The following SPAG16 variants were observed in gnomAD, a reference collection of about 807,000 sequenced individuals.
SPAG16 encodes sperm-associated antigen 16 protein.
SPAG16 carries 86 observed loss-of-function variants against 80.4 expected under a neutral mutation model. The observed-to-expected ratio is 1.07, with a 90% confidence interval of 0.90 to 1.28. SPAG16 has a LOEUF of 1.28. SPAG16 is among the 50% of genes most tolerant of loss of function. The pLI, the probability that SPAG16 is intolerant of heterozygous loss-of-function variation, is 0.00. For synonymous variants in SPAG16, 294 were observed against 265.9 expected (o/e 1.11, Z -1.03); for missense variants, 870 against 765.3 (o/e 1.14, Z -1.61).
At chr2:213,633,438 C>G (rs978105266) in intron 10 of SPAG16, among the ~76,000 whole-genome samples, 1 of 152,066 alleles carries the variant, frequency 6.6e-6, no homozygotes, top group African/African-American at 2.4e-5. Context: ...GTTTTATGCT[C>G]TAATATATAG....
chr2:214,079,403 A>T (rs983084446), intron 13 of SPAG16, among the ~76,000 whole-genome samples: 1 of 152,226 alleles, frequency 6.6e-6, no homozygotes, highest in African/African-American at 2.4e-5. Flanking sequence ...TCTTTGTTTG[A>T]ATAATTTGTT....
At chr2:213,831,121 C>T (rs542045607) in intron 10 of SPAG16, among the ~76,000 whole-genome samples, 1 of 146,274 alleles carries the variant, frequency 6.8e-6, no homozygotes, top group Non-Finnish European at 1.5e-5. Flanking sequence ...CTCACTGCAA[C>T]CTTAGCCTCC....
At chr2:214,350,484 A>G (rs774586066) in intron 15 of SPAG16, among the ~76,000 whole-genome samples, 2 of 152,242 alleles carry the variant, frequency 1.3e-5, no homozygotes, top group Non-Finnish European at 2.9e-5. Flanking sequence ...TCTTGAGTAG[A>G]TAATATATCT....
In SPAG16 at chr2:213,375,034, A is replaced by G. The variant is rs764472799; in HGVS notation, c.857A>G (p.Asn286Ser). The change falls in exon 9 of 16, where the codon AAT becomes AGT. Residue 286 changes from asparagine to serine, a missense_variant. By Grantham distance (46) the Asn-to-Ser change is conservative (BLOSUM62 1). Coordinates refer to ENST00000331683, the MANE Select transcript of SPAG16 (RefSeq NM_024532.5). ...GTTGATCATAGTCGTGAAAAAGAAA[A>G]TGCACCAGAAGGTCCTACTCAGAAA... ...IKVDHSREKENAPEGPTQKGL... is the reference protein window; with the variant it reads ...IKVDHSREKESAPEGPTQKGL... 2 of 1,606,728 alleles carry G rather than the reference A, an allele frequency of 1.2e-6. No homozygotes were observed. Among genetic ancestry groups the G allele is most frequent in the Non-Finnish European group, 1.7e-6 (2 of 1,177,352 alleles).
Position 213,297,307 on chromosome 2 carries a change from G to A in SPAG16, c.229G>A (p.Ala77Thr). ...FSIPEGEEDLAKAIQMAQEQA... is the reference protein window; with the variant it reads ...FSIPEGEEDLTKAIQMAQEQA... ...CATCCCAGAAGGTGAAGAAGATCTG[G>A]CAAAAGCAATTCAGATGGCCCAAGA... The change falls in exon 3 of 16, where the codon GCA becomes ACA. Residue 77 changes from alanine to threonine, a missense_variant. Ala to Thr is a moderately conservative substitution (Grantham distance 58, BLOSUM62 0). Coordinates refer to ENST00000331683, the MANE Select transcript of SPAG16 (RefSeq NM_024532.5). 1 of 1,612,906 alleles carries A rather than the reference G, an allele frequency of 6.2e-7. No individual in the cohort carries two copies. Among genetic ancestry groups the A allele is most frequent in the Non-Finnish European group, 8.5e-7 (1 of 1,179,266 alleles).
At chr2:213,671,921 T>C (rs2063825808) in intron 10 of SPAG16, among the ~76,000 whole-genome samples, 1 of 152,192 alleles carries the variant, frequency 6.6e-6, no homozygotes, top group African/African-American at 2.4e-5. Flanking sequence ...CTAGAGTCCA[T>C]TGGGTTCATT....
At chr2:214,165,570 C>A (rs2056620398) in intron 15 of SPAG16, among the ~76,000 whole-genome samples, 1 of 132,584 alleles carries the variant, frequency 7.5e-6, no homozygotes, top group East Asian at 2.4e-4. Context: ...AGATTTGTTA[C>A]CTCCATTCTT....
chr2:214,085,696 G>C (rs972692884), intron 13 of SPAG16, among the ~76,000 whole-genome samples: 1 of 152,128 alleles, frequency 6.6e-6, no homozygotes, highest in African/African-American at 2.4e-5. Flanking sequence ...ACTACAAAGA[G>C]AACAATTCCA....
chr2:213,524,082 G>T (rs2075789290), intron 10 of SPAG16, among the ~76,000 whole-genome samples: 1 of 152,132 alleles, frequency 6.6e-6, no homozygotes. Flanking sequence ...TGTTTTGTGG[G>T]CTGGGACCAG....
chr2:214,305,334 G>A lies in SPAG16; in HGVS notation c.1721-104806G>A, dbSNP rs150772979. Among the ~76,000 whole-genome samples the A allele has an allele frequency of 1.8e-3, 269 of 152,114 alleles. 2 individuals carry two copies. Among genetic ancestry groups the A allele is most frequent in the African/African-American group, 5.9e-3 (243 of 41,514 alleles). ...ATTCTGTAGGTTTTCTGTTATCTTT[G>A]TTGATAATTTTCTTTTGCTGTGCAG... On this transcript the variant is annotated intron_variant, in intron 15 of 15. Transcript: ENST00000331683.
chr2:213,727,777 A>C (rs1275097060), intron 10 of SPAG16, among the ~76,000 whole-genome samples: 4 of 152,214 alleles, frequency 2.6e-5, no homozygotes, highest in African/African-American at 9.7e-5. Flanking sequence ...TTTTACTATG[A>C]TCTAACTGGC....
chr2:214,362,725 C>T (rs996656590), intron 15 of SPAG16, among the ~76,000 whole-genome samples: 2 of 151,764 alleles, frequency 1.3e-5, no homozygotes, highest in African/African-American at 4.8e-5. Flanking sequence ...AGCATAGTTC[C>T]AAGTTCATTA....
chr2:214,016,303 T>G (rs2047589188), intron 13 of SPAG16, among the ~76,000 whole-genome samples: 2 of 152,162 alleles, frequency 1.3e-5, no homozygotes, highest in South Asian at 4.1e-4. Flanking sequence ...ACGTCATACA[T>G]GGCAGCATGC....
chr2:214,016,527 G>A (rs998548754), intron 13 of SPAG16, among the ~76,000 whole-genome samples: 1 of 152,154 alleles, frequency 6.6e-6, no homozygotes, highest in Non-Finnish European at 1.5e-5. Flanking sequence ...ACAACATGTA[G>A]GGACTACACT....
intron 10 of SPAG16, among the ~76,000 whole-genome samples, chr2:213,513,331 C>G (rs1489635656): frequency 6.6e-6 from 1 of 152,122 alleles, no homozygotes; most frequent in Non-Finnish European, 1.5e-5. Context: ...GGATGGGGAC[C>G]TACAATTTTT....
chr2:214,124,317 T>C (rs1266331211), intron 14 of SPAG16, among the ~76,000 whole-genome samples: 1 of 151,854 alleles, frequency 6.6e-6, no homozygotes, highest in Non-Finnish European at 1.5e-5. Context: ...CTCAGACAAC[T>C]GGTCTTCCAA....
rs866466946 is a variant in SPAG16 at position 214,174,698 on chromosome 2, A to G, written c.1720+25432A>G. Among the ~76,000 whole-genome samples, 4 of 151,762 alleles carry G rather than the reference A, an allele frequency of 2.6e-5. No homozygotes were observed. In the South Asian group the frequency reaches 6.2e-4, roughly 24 times the overall value. ...GAGAAGGATTCTGTGCCATACATAC[A>G]GTATTTCAGTAGCCCAGGATGGCAA... On this transcript the variant is annotated intron_variant, in intron 15 of 15. Transcript: ENST00000331683.
intron 15 of SPAG16, among the ~76,000 whole-genome samples, chr2:214,319,447 AAAG>A (rs1347036821): frequency 2.6e-5 from 4 of 152,008 alleles, no homozygotes; most frequent in Non-Finnish European, 5.9e-5. Flanking sequence ...AGAATAAAAT[AAAG>A]AAGTGATAAA....
intron 15 of SPAG16, among the ~76,000 whole-genome samples, chr2:214,284,858 T>C (rs1363528762): frequency 2.6e-5 from 4 of 151,732 alleles, no homozygotes; most frequent in African/African-American, 4.8e-5. Flanking sequence ...TGTAACCACA[T>C]TGTCTTTATC....
Sources: gnomAD v4.1 joint callset for allele counts (sites outside exome capture counted in the v4.1 genomes callset) on GRCh38, gnomAD v4.1.1 for gene constraint, MANE v1.5 for transcripts, NCBI Gene and HGNC (gene_info 2026-07-23, HGNC 2026-07-21) for gene names.